Variants in CDH4 observed in about 807,000 individuals in gnomAD.
CDH4 encodes the protein cadherin 4.
CDH4 carries 33 observed loss-of-function variants against 86.0 expected under a neutral mutation model. The ratio of observed to expected loss-of-function variants is 0.38; its 90% CI spans 0.29 to 0.51. The LOEUF is 0.51. Ranked by LOEUF, CDH4 falls within the 20% of genes least tolerant of loss-of-function variation. The pLI is 0.86. For synonymous variants in CDH4, 555 were observed against 549.4 expected, an observed-to-expected ratio of 1.01 and a Z score of -0.14; for missense variants, 1,114 against 1,307.4, an observed-to-expected ratio of 0.85 and a Z score of 2.28.
intron 2 of CDH4, among the ~76,000 whole-genome samples, chr20:61,356,021 C>T (rs1263420597): frequency 6.6e-6 from 1 of 152,172 alleles, no homozygotes; most frequent in Non-Finnish European, 1.5e-5. Flanking sequence ...AGTTTCTTTC[C>T]AGAAGTCAAA....
intron 2 of CDH4, among the ~76,000 whole-genome samples, chr20:61,391,331 C>A (rs6089426): frequency 0.36 from 54,525 of 151,976 alleles, 11,085 homozygotes; most frequent in East Asian, 0.79. Flanking sequence ...CTTGCTAAAC[C>A]TATCTGATCT....
chr20:61,531,795 G>C (rs939402168), intron 2 of CDH4, among the ~76,000 whole-genome samples: 2 of 152,196 alleles, frequency 1.3e-5, no homozygotes, highest in Admixed American at 1.3e-4. Flanking sequence ...TGGAGCGAGT[G>C]CTCTCAGAAT....
chr20:61,928,739 T>C (rs1047910309), intron 12 of CDH4, among the ~76,000 whole-genome samples: 7 of 152,250 alleles, frequency 4.6e-5, no homozygotes, highest in Admixed American at 3.3e-4. Context: ...CTGACTGATA[T>C]GTTTCCTTAG....
rs1457681165 is a variant in CDH4 at position 61,772,982 on chromosome 20, C to A, written c.397-21C>A. 3 of 1,599,828 alleles carry A rather than the reference C, an allele frequency of 1.9e-6. No homozygotes were observed. The South Asian group carries it at 3.3e-5, about 18-fold the overall frequency. On this transcript the variant is annotated intron_variant, in intron 3 of 15. Coordinates refer to ENST00000614565, the MANE Select transcript of CDH4 (RefSeq NM_001794.5). ...ACCTAACTGGACTTCTCTGCCTCTT[C>A]TCTCCCCTTTCCAAATAAAGCCGCA... is the stretch of plus-strand genomic sequence containing the variant.
At chr20:61,258,344 A>AAAAAAAAAAAAAAAAAAAAAAAC (rs1568770395) in intron 2 of CDH4, among the ~76,000 whole-genome samples, 1 of 118,310 alleles carries the variant, frequency 8.5e-6, no homozygotes, top group Admixed American at 7.8e-5. Context: ...AAAAAAAAAA[A>AAAAAAAAAAAAAAAAAAAAAAAC]AGAAAAAAAA....
intron 4 of CDH4, among the ~76,000 whole-genome samples, chr20:61,803,497 G>T (rs996204946): frequency 6.6e-6 from 1 of 152,334 alleles, no homozygotes. Flanking sequence ...CTTTGGTCGG[G>T]GGATTAGAGC....
chr20:61,586,705 G>A (rs1457157628), intron 2 of CDH4, among the ~76,000 whole-genome samples: 1 of 152,134 alleles, frequency 6.6e-6, no homozygotes, highest in Non-Finnish European at 1.5e-5. Flanking sequence ...GGCAGAGCTG[G>A]TATCTAAACC....
intron 2 of CDH4, among the ~76,000 whole-genome samples, chr20:61,571,822 TCAGAATCATGCTGCGC>T (rs2086344190): frequency 8.0e-6 from 1 of 124,796 alleles, no homozygotes. Flanking sequence ...TCAGGAACTC[TCAGAATCATGCTGCGC>T]CAGGCACCAC....
intron 2 of CDH4, among the ~76,000 whole-genome samples, chr20:61,508,273 T>C (rs1403087276): frequency 6.6e-6 from 1 of 152,056 alleles, no homozygotes; most frequent in Non-Finnish European, 1.5e-5. Flanking sequence ...CCCCACTGAG[T>C]TGGGTCTTAA....
At chr20:61,750,082 C>T (rs571990728) in intron 3 of CDH4, among the ~76,000 whole-genome samples, 4 of 151,992 alleles carry the variant, frequency 2.6e-5, no homozygotes, top group Admixed American at 6.6e-5. Context: ...AGAAAATCAA[C>T]AATCCAGGCA....
chr20:61,675,148 C>T (rs1203669464), intron 2 of CDH4, among the ~76,000 whole-genome samples: 1 of 152,228 alleles, frequency 6.6e-6, no homozygotes, highest in African/African-American at 2.4e-5. Flanking sequence ...GCAGAAATCC[C>T]TGCAGCTGGT....
intron 2 of CDH4, among the ~76,000 whole-genome samples, chr20:61,333,482 G>A (rs2123268462): frequency 6.6e-6 from 1 of 152,310 alleles, no homozygotes; most frequent in Admixed American, 6.5e-5. Flanking sequence ...AGCCAAGGGG[G>A]ACCCAGCACA....
At chr20:61,421,554 C>G (rs1164540271) in intron 2 of CDH4, among the ~76,000 whole-genome samples, 1 of 152,108 alleles carries the variant, frequency 6.6e-6, no homozygotes, top group Non-Finnish European at 1.5e-5. Flanking sequence ...AATCAAGGGG[C>G]CTTCTGGGGT....
At chr20:61,526,916 T>A (rs1445032482) in intron 2 of CDH4, among the ~76,000 whole-genome samples, 2 of 152,230 alleles carry the variant, frequency 1.3e-5, no homozygotes. Context: ...CTAATTATGT[T>A]CTTTCGGAAA....
chr20:61,729,872 G>A (rs1156976808), intron 2 of CDH4, among the ~76,000 whole-genome samples: 3 of 152,172 alleles, frequency 2.0e-5, no homozygotes, highest in East Asian at 3.9e-4. Context: ...TAAATGAGAC[G>A]GCAAGAGAGA....
At chr20:61,451,125 C>G (rs1004510820) in intron 2 of CDH4, among the ~76,000 whole-genome samples, 5 of 98,422 alleles carry the variant, frequency 5.1e-5, no homozygotes, top group East Asian at 2.8e-4. Context: ...CTCTCACGCC[C>G]CCCCCCTTCC....
intron 6 of CDH4, among the ~76,000 whole-genome samples, chr20:61,865,614 G>T (rs1227407085): frequency 6.6e-6 from 1 of 151,698 alleles, no homozygotes; most frequent in Non-Finnish European, 1.5e-5. Flanking sequence ...TATGTAATGG[G>T]TTAGGTTCCT....
intron 4 of CDH4, among the ~76,000 whole-genome samples, chr20:61,840,132 G>A (rs1374172888): frequency 6.6e-6 from 1 of 152,162 alleles, no homozygotes; most frequent in Non-Finnish European, 1.5e-5. Context: ...TGTCACTCGT[G>A]GGAGAAGCCC....
chr20:61,299,348 C>T (rs889149823), intron 2 of CDH4, among the ~76,000 whole-genome samples: 1 of 152,186 alleles, frequency 6.6e-6, no homozygotes, highest in Non-Finnish European at 1.5e-5. Flanking sequence ...GCCCTGCAGA[C>T]ACTCTGATCT....
Sources: gnomAD v4.1 joint callset for allele counts (sites outside exome capture counted in the v4.1 genomes callset) on GRCh38, gnomAD v4.1.1 for gene constraint, MANE v1.5 for transcripts, NCBI Gene and HGNC (gene_info 2026-07-23, HGNC 2026-07-21) for gene names.